The following ZNF718 variants were observed in gnomAD, a reference collection of about 807,000 sequenced individuals.
The protein encoded by ZNF718 is zinc finger protein 718.
ZNF718 carries 3 observed loss-of-function variants against 2.6 expected under a neutral mutation model. The observed-to-expected ratio is 1.16, with a 90% CI of 0.53 to 3.01. ZNF718 has a LOEUF of 3.01. Ranked by LOEUF, ZNF718 falls within the 30% of genes most tolerant of loss-of-function variation. The pLI is 0.03. For synonymous variants in ZNF718, 135 were observed against 77.9 expected (o/e 1.73, Z -3.86); for missense variants, 468 against 230.0 (o/e 2.03, Z -6.69).
At chr4:126,245 A>G (rs1715214514) in intron 1 of ZNF718, among the ~76,000 whole-genome samples, 1 of 152,252 alleles carries the variant, frequency 6.6e-6, no homozygotes, top group African/African-American at 2.4e-5. Flanking sequence ...TGTAGGAGCA[A>G]ATACAAATTA....
intron 3 of ZNF718, among the ~76,000 whole-genome samples, chr4:147,606 A>G (rs1716123753): frequency 6.6e-6 from 1 of 151,958 alleles, no homozygotes; most frequent in South Asian, 2.1e-4. Flanking sequence ...TCAGAAAAAA[A>G]AAATCCCAGC....
chr4:128,994 C>T (rs1194199664), intron 1 of ZNF718, among the ~76,000 whole-genome samples: 1 of 104,778 alleles, frequency 9.5e-6, no homozygotes, highest in Non-Finnish European at 2.1e-5. Flanking sequence ...AATTCAGCAT[C>T]GTGTGTTCAG....
intron 3 of ZNF718, among the ~76,000 whole-genome samples, chr4:184,856 T>C (rs1553820287): frequency 6.6e-6 from 1 of 152,178 alleles, no homozygotes; most frequent in Non-Finnish European, 1.5e-5. Flanking sequence ...TCAGTAGTAA[T>C]ATCTCTTTTA....
intron 3 of ZNF718, among the ~76,000 whole-genome samples, chr4:148,264 C>T (rs181253676): frequency 1.5e-3 from 227 of 152,180 alleles, no homozygotes; most frequent in Non-Finnish European, 2.2e-3. Context: ...AAAAACTGCC[C>T]CTGGACTTTG....
At chr4:195,074 T>A (rs1717765168) in intron 3 of ZNF718, among the ~76,000 whole-genome samples, 2 of 152,298 alleles carry the variant, frequency 1.3e-5, no homozygotes, top group African/African-American at 4.8e-5. Flanking sequence ...ACATTGCCTT[T>A]GTGCTCAGGG....
At chr4:200,791 G>A (rs547211411) in intron 3 of ZNF718, among the ~76,000 whole-genome samples, 2 of 152,156 alleles carry the variant, frequency 1.3e-5, no homozygotes, top group South Asian at 2.1e-4. Flanking sequence ...TTTTTCAAAA[G>A]GAAAGGCTAT....
chr4:138,834 C>G (rs1349652679), intron 3 of ZNF718, among the ~76,000 whole-genome samples: 2 of 152,036 alleles, frequency 1.3e-5, no homozygotes, highest in African/African-American at 4.8e-5. Flanking sequence ...GCCATTGTAA[C>G]TGGGGTGAGA....
rs782215630 is a variant in ZNF718, at chr4:162,126, T to C, written c.*4T>C. Reference sequence around the variant, plus strand: ...TCATACTGGAGGAAAATTTTAGAAATGTGAAGAATGTGGGAGCCTTTAAGT... The same window carrying C: ...TCATACTGGAGGAAAATTTTAGAAACGTGAAGAATGTGGGAGCCTTTAAGT... On this transcript the variant is annotated 3_prime_UTR_variant, in exon 4 of 4. Coordinates refer to ENST00000510175, the MANE Select transcript of ZNF718 (RefSeq NM_001039127.6). The C allele has an allele frequency of 2.8e-6, 2 of 719,242 alleles. No homozygotes were observed. The highest frequency in any genetic ancestry group is 2.4e-4 in the Middle Eastern group (1 of 4,136). 44.6% of individuals were successfully genotyped at this position (719,242 alleles called of 1,614,324 possible).
chr4:124,499 G>C, upstream of ZNF718: 2 of 844,566 alleles, frequency 2.4e-6, no homozygotes, highest in East Asian at 5.4e-5. Flanking sequence ...GGGATCTGGC[G>C]CGGCTTTTGC....
At chr4:158,003 G>A (rs1374250233) in intron 3 of ZNF718, among the ~76,000 whole-genome samples, 1 of 151,878 alleles carries the variant, frequency 6.6e-6, no homozygotes, top group African/African-American at 2.4e-5. Context: ...TTATATATTT[G>A]AAACCCTAAT....
At chr4:129,185 C>A (rs1163719672) in intron 1 of ZNF718, among the ~76,000 whole-genome samples, 1 of 104,354 alleles carries the variant, frequency 9.6e-6, no homozygotes, top group Admixed American at 1.0e-4. Flanking sequence ...TATAATTGGT[C>A]TAGAAAAACA....
chr4:196,301 G>A (rs2108818221), intron 3 of ZNF718, among the ~76,000 whole-genome samples: 1 of 152,262 alleles, frequency 6.6e-6, no homozygotes, highest in East Asian at 1.9e-4. Flanking sequence ...TGGGGAACAG[G>A]TCCCACATAA....
chr4:127,649 T>C lies in ZNF718; in HGVS notation c.3+2976T>C, dbSNP rs1283394552. 1.9e-5 allele frequency among the ~76,000 whole-genome samples: 2 copies of C among 105,234 alleles called. 1 individual carries two copies. The highest frequency in any genetic ancestry group is 6.6e-5 in the African/African-American group (2 of 30,380). 69.0% of individuals were successfully genotyped at this position (105,234 alleles called of 152,430 possible). ...TTTTATTTGAGAAATACATGTTCTT[T>C]TAATGATCAGACCCAGAGACTGGTT... On this transcript the variant is annotated intron_variant, in intron 1 of 3. Transcript: ENST00000510175.
At chr4:185,524 AT>A (rs1717550421) in intron 3 of ZNF718, among the ~76,000 whole-genome samples, 1 of 152,036 alleles carries the variant, frequency 6.6e-6, no homozygotes, top group Admixed American at 6.6e-5. Context: ...GTTCCACTTA[AT>A]TTAGGGCTGA....
intron 1 of ZNF718, chr4:124,904 T>TGGAGTGAGTA (rs1343974040): frequency 3.6e-5 from 18 of 505,662 alleles, no homozygotes; most frequent in South Asian, 6.4e-5. Context: ...CCCCGGGCTG[T>TGGAGTGAGTA]GGAGTGAGTA....
rs1262481149 is a variant in ZNF718, at chr4:128,731, C to G, written c.4-2057C>G. Reference sequence around the variant, plus strand: ...AGTCTGACAAGGTCTAATTCTGCTCCCATTTCAGAGGAAGATAAGTGACTC... The same window carrying G: ...AGTCTGACAAGGTCTAATTCTGCTCGCATTTCAGAGGAAGATAAGTGACTC... On this transcript the variant is annotated intron_variant, in intron 1 of 3. Coordinates refer to ENST00000510175, the MANE Select transcript of ZNF718 (RefSeq NM_001039127.6). Among the ~76,000 whole-genome samples the G allele has an allele frequency of 1.9e-5, 2 of 103,038 alleles. 1 individual carries two copies. The highest frequency in any genetic ancestry group is 4.3e-5 in the Non-Finnish European group (2 of 46,388). The allele number at this position is 103,038 out of a possible 152,430, so 67.6% of individuals were successfully genotyped here.
intron 3 of ZNF718, among the ~76,000 whole-genome samples, chr4:186,932 G>A (rs1393934134): frequency 3.3e-5 from 5 of 152,184 alleles, no homozygotes; most frequent in Admixed American, 6.5e-5. Context: ...CCTCAGCCCA[G>A]TTCTGAACTC....
chr4:166,514 G>A (rs2108808028), downstream of ZNF718, among the ~76,000 whole-genome samples: 1 of 152,268 alleles, frequency 6.6e-6, no homozygotes, highest in Admixed American at 6.5e-5. Flanking sequence ...AGCACCTGTT[G>A]TTTTCTGACT....
At chr4:124,740 C>T in intron 1 of ZNF718, 67 bp downstream of exon 1, 2 of 1,591,866 alleles carry the variant, frequency 1.3e-6, no homozygotes, top group Non-Finnish European at 1.7e-6. Flanking sequence ...GAAATGGCGG[C>T]GGTGGGAGGA....
Sources: allele counts gnomAD v4.1 joint callset (sites outside exome capture counted in the v4.1 genomes callset), GRCh38; gene constraint gnomAD v4.1.1; transcripts MANE v1.5; gene names NCBI Gene and HGNC (gene_info 2026-07-23, HGNC 2026-07-21).